MAML2: variants seen among roughly 807,000 people sequenced by gnomAD.
MAML2 encodes the protein mastermind like transcriptional coactivator 2, also known as mastermind-like protein 2.
In MAML2, 22 loss-of-function variants were observed where a neutral mutation model predicts 96.1. That is an observed-to-expected ratio of 0.23 (90% confidence interval 0.16 to 0.33). MAML2 has a LOEUF of 0.33. Ranked by LOEUF, MAML2 falls within the 10% of genes least tolerant of loss-of-function variation. The pLI is 1.00. For missense variants in MAML2, 1,367 were observed against 1,392.4 expected, an observed-to-expected ratio of 0.98 and a Z score of 0.29; for synonymous variants, 561 against 521.3, an observed-to-expected ratio of 1.08 and a Z score of -1.04.
chr11:96,252,960 G>C (rs1565263331), intron 1 of MAML2, among the ~76,000 whole-genome samples: 1 of 152,190 alleles, frequency 6.6e-6, no homozygotes, highest in Non-Finnish European at 1.5e-5. Context: ...ACATGAAAGT[G>C]TGGGTTCTCA....
chr11:96,061,467 AG>A (rs2135778977), intron 2 of MAML2, among the ~76,000 whole-genome samples: 1 of 152,338 alleles, frequency 6.6e-6, no homozygotes, highest in East Asian at 1.9e-4. Context: ...GAAAATATAA[AG>A]GTGAAAATAA....
At chr11:96,265,512 G>T (rs1862813262) in intron 1 of MAML2, among the ~76,000 whole-genome samples, 1 of 150,062 alleles carries the variant, frequency 6.7e-6, no homozygotes, top group Admixed American at 6.6e-5. Context: ...ATGGTCCCAG[G>T]TTAGGACTCC....
At chr11:96,179,459 T>C (rs186413332) in intron 1 of MAML2, among the ~76,000 whole-genome samples, 55 of 152,320 alleles carry the variant, frequency 3.6e-4, no homozygotes, top group Non-Finnish European at 6.5e-4. Context: ...TCAAGATTTC[T>C]GTTTCTTCCC....
At chr11:96,147,096 T>C (rs2135872498) in intron 1 of MAML2, among the ~76,000 whole-genome samples, 1 of 152,368 alleles carries the variant, frequency 6.6e-6, no homozygotes, top group Non-Finnish European at 1.5e-5. Flanking sequence ...GTAGTGTACT[T>C]AGTATCTGGC....
chr11:96,025,404 G>T (rs781618754), intron 2 of MAML2, among the ~76,000 whole-genome samples: 28 of 152,036 alleles, frequency 1.8e-4, no homozygotes, highest in Non-Finnish European at 3.2e-4. Context: ...ACTGGGGGAG[G>T]GGGGAGGTGG....
chr11:96,105,189 T>C (rs1375071078), intron 1 of MAML2, among the ~76,000 whole-genome samples: 1 of 152,218 alleles, frequency 6.6e-6, no homozygotes, highest in Non-Finnish European at 1.5e-5. Context: ...TGGTCATTAA[T>C]CCCACTCTTC....
chr11:96,257,043 T>C (rs1862678494), intron 1 of MAML2, among the ~76,000 whole-genome samples: 1 of 152,160 alleles, frequency 6.6e-6, no homozygotes, highest in African/African-American at 2.4e-5. Context: ...AAAAATACAG[T>C]TTCCAGCAGA....
intron 1 of MAML2, among the ~76,000 whole-genome samples, chr11:96,327,845 C>G (rs1314874142): frequency 6.6e-6 from 1 of 151,988 alleles, no homozygotes; most frequent in Non-Finnish European, 1.5e-5. Context: ...CCTGTAATCC[C>G]AGCACTTTGG....
rs1861707523 is a variant in MAML2 at position 96,194,930 on chromosome 11, A to G, written c.514-101413T>C. ...AGAATGAAAGGCTTAAAAATTCTTAATGACAATAGATACCATTCTTTGATA... is the reference window on the plus strand; with the variant it reads ...AGAATGAAAGGCTTAAAAATTCTTAGTGACAATAGATACCATTCTTTGATA... On this transcript the variant is annotated intron_variant, in intron 1 of 4. Coordinates refer to ENST00000524717, the MANE Select transcript of MAML2 (RefSeq NM_032427.4). Among the ~76,000 whole-genome samples the G allele has an allele frequency of 2.6e-5, 4 of 152,378 alleles. No individual in the cohort carries two copies. The East Asian group carries it at 7.7e-4, about 29-fold the overall frequency.
At chr11:96,044,501 C>T (rs551795674) in intron 2 of MAML2, among the ~76,000 whole-genome samples, 25 of 152,222 alleles carry the variant, frequency 1.6e-4, no homozygotes, top group African/African-American at 5.8e-4. Flanking sequence ...AGGCATTGTG[C>T]TAGGCTTAAG....
At position 96,093,475 on chromosome 11, in the gene MAML2, G is replaced by C. The variant is rs1259021500; in HGVS notation, c.556C>G (p.Pro186Ala). The change falls in exon 2 of 5, where the codon CCT (proline) becomes GCT (alanine). Residue 186 changes from proline to alanine, a missense_variant. Physicochemically the swap from Pro to Ala is conservative, Grantham distance 27. Transcript: ENST00000524717. The stretch of plus-strand genomic sequence containing the variant: ...CCATTGGGTCGCTTGCTGTTGGCAG[G>C]AGATAGGTTAACTACCTGTTTTCTT... ...LKRKQVVNLS[P>A]ANSKRPNGFV... The C allele has an allele frequency of 5.0e-6, 8 of 1,613,548 alleles. No homozygotes were observed. The highest frequency in any genetic ancestry group is 1.1e-5 in the South Asian group (1 of 90,902).
At chr11:96,176,438 G>A (rs1468855728) in intron 1 of MAML2, among the ~76,000 whole-genome samples, 2 of 152,136 alleles carry the variant, frequency 1.3e-5, no homozygotes, top group African/African-American at 4.8e-5. Flanking sequence ...GTGTTTTAGG[G>A]AGTAAAGCAG....
At chr11:96,261,206 T>TA (rs936799728) in intron 1 of MAML2, among the ~76,000 whole-genome samples, 1 of 152,000 alleles carries the variant, frequency 6.6e-6, no homozygotes, top group African/African-American at 2.4e-5. Flanking sequence ...GGAGACTTTA[T>TA]AAAAGGAAGA....
At chr11:96,282,396 G>A (rs1863084631) in intron 1 of MAML2, among the ~76,000 whole-genome samples, 1 of 152,138 alleles carries the variant, frequency 6.6e-6, no homozygotes, top group Non-Finnish European at 1.5e-5. Flanking sequence ...TTATTTTTCA[G>A]TAAGGAACTT....
intron 1 of MAML2, among the ~76,000 whole-genome samples, chr11:96,323,880 A>G (rs1215403021): frequency 6.6e-6 from 1 of 152,238 alleles, no homozygotes; most frequent in East Asian, 1.9e-4. Flanking sequence ...GCTACCCTGG[A>G]ATGCCAGTCA....
Position 96,092,175 on chromosome 11 carries a change from T to G in MAML2, c.1856A>C (p.Gln619Pro). ...TTGAGCTGAAATTGAACTCTGCTGT[T>G]GCTGTTGCTGTTGCTGTTGCTGCTG... ...QQQQQQQQQQ[Q>P]QQSSISAQQQ... Residue 619 changes from glutamine to proline, a missense_variant, in exon 2 of 5, where the codon CAA becomes CCA. By Grantham distance (76) the Gln-to-Pro change is moderately conservative. Transcript: ENST00000524717. The surrounding 1 kb of genome is among the most constrained non-coding windows in gnomAD (Gnocchi z 4.1). 6.5e-7 allele frequency: 1 copy of G among 1,540,948 alleles called. No individual in the cohort carries two copies. The highest frequency in any genetic ancestry group is 1.2e-5 in the South Asian group (1 of 83,024).
chr11:96,199,335 A>G (rs1295310516), intron 1 of MAML2, among the ~76,000 whole-genome samples: 1 of 152,068 alleles, frequency 6.6e-6, no homozygotes, highest in African/African-American at 2.4e-5. Flanking sequence ...GGTGGGCAGA[A>G]CCGCAGAAGA....
chr11:96,063,554 C>T (rs1388032467), intron 2 of MAML2, among the ~76,000 whole-genome samples: 1 of 152,144 alleles, frequency 6.6e-6, no homozygotes, highest in Non-Finnish European at 1.5e-5. Flanking sequence ...CATTATGTTA[C>T]AAAATCATCA....
At chr11:96,170,342 C>G (rs17237018) in intron 1 of MAML2, among the ~76,000 whole-genome samples, 13,633 of 152,260 alleles carry the variant, frequency 0.09, 687 homozygotes, top group African/African-American at 0.1. Context: ...TAATCAGACA[C>G]AGATAATGGC....
Sources: allele counts gnomAD v4.1 joint callset (sites outside exome capture counted in the v4.1 genomes callset), GRCh38; gene constraint gnomAD v4.1.1; non-coding constraint Gnocchi (gnomAD v3.1); transcripts MANE v1.5; gene names NCBI Gene and HGNC (gene_info 2026-07-23, HGNC 2026-07-21).